Variants in KCNN2 observed in about 807,000 individuals in gnomAD.
KCNN2 encodes the protein small conductance calcium-activated potassium channel protein 2.
In KCNN2, 24 loss-of-function variants were observed where a neutral mutation model predicts 55.5. The ratio of observed to expected loss-of-function variants is 0.43; its 90% CI spans 0.31 to 0.61. The LOEUF is 0.61. Among genes scored for constraint, KCNN2 ranks in the 20% least tolerant of loss-of-function variants. The probability of loss-of-function intolerance (pLI) is 0.08; values close to 1 mark genes in which losing one functional copy is unlikely to be tolerated. For synonymous variants in KCNN2, 431 were observed against 336.1 expected, an observed-to-expected ratio of 1.28 and a Z score of -3.09; for missense variants, 754 against 853.6, an observed-to-expected ratio of 0.88 and a Z score of 1.45.
chr5:114,126,685 C>T lies in KCNN2; in HGVS notation c.-271+70185C>T, dbSNP rs1019808052. Among the ~76,000 whole-genome samples the T allele has an allele frequency of 3.9e-5, 6 of 152,092 alleles. No homozygotes were observed. In the East Asian group the frequency reaches 1.2e-3, roughly 29 times the overall value. ...CATTTCAAAACCAATTATGCCTTTC[C>T]AACAAAGCCTTAACTCATTCCCCCA... On this transcript the variant is annotated intron_variant, in intron 1 of 10. Transcript: ENST00000512097.
At chr5:114,215,668 G>C (rs1753986357) in intron 1 of KCNN2, among the ~76,000 whole-genome samples, 1 of 152,080 alleles carries the variant, frequency 6.6e-6, no homozygotes, top group South Asian at 2.1e-4. Context: ...TTTCTGCATT[G>C]ATTACTCCCT....
At chr5:114,366,677 A>G (rs200366806) in intron 2 of KCNN2, among the ~76,000 whole-genome samples, 1 of 152,216 alleles carries the variant, frequency 6.6e-6, no homozygotes, top group East Asian at 1.9e-4. Context: ...GCTTATGTAT[A>G]TGCATGGAAA....
chr5:114,338,935 A>G (rs1756970803), intron 2 of KCNN2, among the ~76,000 whole-genome samples: 1 of 152,222 alleles, frequency 6.6e-6, no homozygotes, highest in Admixed American at 6.5e-5. Context: ...GAAAACCCAG[A>G]AAAAGAAAAA....
At chr5:114,202,572 T>C (rs1383209910) in intron 1 of KCNN2, among the ~76,000 whole-genome samples, 1 of 83,822 alleles carries the variant, frequency 1.2e-5, no homozygotes, top group Non-Finnish European at 2.5e-5. Context: ...TGTGTGTATA[T>C]ATATATATAT....
intron 2 of KCNN2, among the ~76,000 whole-genome samples, chr5:114,381,896 C>T (rs1437695643): frequency 2.0e-5 from 3 of 152,258 alleles, no homozygotes; most frequent in African/African-American, 7.2e-5. Flanking sequence ...AGGGGCAGGA[C>T]AGGAGCCAGT....
chr5:114,200,861 G>T (rs570244313), intron 1 of KCNN2, among the ~76,000 whole-genome samples: 1 of 152,162 alleles, frequency 6.6e-6, no homozygotes, highest in African/African-American at 2.4e-5. Context: ...ATTCAGCTGG[G>T]GACTTCGATG....
intron 2 of KCNN2, among the ~76,000 whole-genome samples, chr5:114,279,478 G>A (rs922891777): frequency 6.6e-6 from 1 of 152,050 alleles, no homozygotes; most frequent in East Asian, 1.9e-4. Context: ...AGGCCCCAGT[G>A]TGTGGTGTTC....
chr5:114,404,940 G>C, intron 3 of KCNN2, 84 bp downstream of exon 3: 2 of 1,190,188 alleles, frequency 1.7e-6, no homozygotes, highest in Middle Eastern at 2.1e-4. Context: ...GACTTGAGAC[G>C]TGTAGTGTCT....
At chr5:114,432,526 C>G (rs1759829850) in intron 3 of KCNN2, among the ~76,000 whole-genome samples, 1 of 152,186 alleles carries the variant, frequency 6.6e-6, no homozygotes, top group Non-Finnish European at 1.5e-5. Context: ...GCTGGCAGTC[C>G]TCACAGCCCT....
intron 2 of KCNN2, among the ~76,000 whole-genome samples, chr5:114,403,933 CTT>C (rs1758862823): frequency 6.6e-6 from 1 of 152,170 alleles, no homozygotes; most frequent in Admixed American, 6.5e-5. Flanking sequence ...TCTGTGGTCT[CTT>C]GTGATTTTCT....
intron 2 of KCNN2, among the ~76,000 whole-genome samples, chr5:114,352,931 C>G (rs934502493): frequency 6.6e-6 from 1 of 151,780 alleles, no homozygotes; most frequent in Non-Finnish European, 1.5e-5. Flanking sequence ...TTAACATTTT[C>G]TGTATTCTTG....
intron 2 of KCNN2, among the ~76,000 whole-genome samples, chr5:114,223,379 T>C (rs968863827): frequency 1.3e-5 from 2 of 152,224 alleles, no homozygotes; most frequent in Non-Finnish European, 2.9e-5. Flanking sequence ...CTTGAACTGC[T>C]TTGAGATTAT....
intron 2 of KCNN2, among the ~76,000 whole-genome samples, chr5:114,396,505 T>C (rs941780918): frequency 6.6e-6 from 1 of 152,128 alleles, no homozygotes; most frequent in African/African-American, 2.4e-5. Context: ...GTTTGGATTA[T>C]ATCATGTATG....
chr5:114,486,695 C>T (rs1434375395), intron 5 of KCNN2: 2 of 1,271,644 alleles, frequency 1.6e-6, no homozygotes, highest in Admixed American at 4.7e-5. Context: ...TGTCTTTCTG[C>T]AGGGAAAGGA....
At chr5:114,164,477 A>G (rs1469847875) in intron 1 of KCNN2, among the ~76,000 whole-genome samples, 2 of 152,212 alleles carry the variant, frequency 1.3e-5, no homozygotes, top group East Asian at 3.9e-4. Context: ...AATAATCAAG[A>G]ATATTGGAAA....
intron 1 of KCNN2, among the ~76,000 whole-genome samples, chr5:114,114,756 GA>G (rs1751678116): frequency 6.6e-6 from 1 of 152,072 alleles, no homozygotes; most frequent in Non-Finnish European, 1.5e-5. Context: ...AGCATTCACT[GA>G]GTGTCCACTC....
At chr5:114,433,723 G>A (rs1759889481) in intron 3 of KCNN2, 1 of 152,742 alleles carries the variant, frequency 6.5e-6, no homozygotes, top group Non-Finnish European at 1.5e-5. Context: ...CTTAAGAGCT[G>A]TAACACTCAC....
intron 3 of KCNN2, among the ~76,000 whole-genome samples, chr5:114,418,628 G>A (rs1315514866): frequency 6.6e-6 from 1 of 152,194 alleles, no homozygotes; most frequent in African/African-American, 2.4e-5. Flanking sequence ...TTCTGAGGCA[G>A]CAGTAGTGAC....
chr5:114,229,490 T>C (rs1387623864), intron 2 of KCNN2, among the ~76,000 whole-genome samples: 2 of 152,010 alleles, frequency 1.3e-5, no homozygotes, highest in East Asian at 3.8e-4. Flanking sequence ...TTCTTTCAAA[T>C]GTGTGAAAAT....
Sources: allele counts gnomAD v4.1 joint callset (sites outside exome capture counted in the v4.1 genomes callset), GRCh38; gene constraint gnomAD v4.1.1; transcripts MANE v1.5; gene names NCBI Gene and HGNC (gene_info 2026-07-23, HGNC 2026-07-21).